PLXNA1: variants seen among roughly 807,000 people sequenced by gnomAD.
The protein encoded by PLXNA1 is plexin-A1.
A neutral mutation model predicts 191.7 loss-of-function variants in PLXNA1; 77 were observed. The ratio of observed to expected loss-of-function variants is 0.40; its 90% CI spans 0.33 to 0.49. PLXNA1 has a LOEUF of 0.49. Ranked by LOEUF, PLXNA1 falls within the 20% of genes least tolerant of loss-of-function variation. The pLI, the probability that PLXNA1 is intolerant of heterozygous loss-of-function variation, is 0.63. For missense variants in PLXNA1, 2,110 were observed against 2,660.2 expected (o/e 0.79, Z 4.55); for synonymous variants, 1,137 against 1,156.4 (o/e 0.98, Z 0.34).
At chr3:126,991,155 C>T (rs576221658) in intron 2 of PLXNA1, among the ~76,000 whole-genome samples, 20 of 152,368 alleles carry the variant, frequency 1.3e-4, no homozygotes, top group African/African-American at 4.6e-4. Flanking sequence ...TGCTCCGGAA[C>T]CTCAAGCTAT....
intron 3 of PLXNA1, among the ~76,000 whole-genome samples, chr3:126,992,875 C>G (rs1474549637): frequency 6.6e-6 from 1 of 152,200 alleles, no homozygotes; most frequent in Non-Finnish European, 1.5e-5. Flanking sequence ...AGCCTGCACT[C>G]CCTCTCCTCA....
chr3:127,003,823 G>A (rs2079052813), intron 4 of PLXNA1, among the ~76,000 whole-genome samples: 1 of 152,250 alleles, frequency 6.6e-6, no homozygotes, highest in Non-Finnish European at 1.5e-5. Context: ...GGTTTGGGGT[G>A]TGTACTGGGC....
chr3:127,003,604 G>C, intron 4 of PLXNA1, 134 bp downstream of exon 4: 1 of 1,049,862 alleles, frequency 9.5e-7, no homozygotes, highest in East Asian at 2.9e-5. Context: ...GTAGTTTCAA[G>C]CTGGTCTGTG....
intron 1 of PLXNA1, among the ~76,000 whole-genome samples, chr3:126,983,552 G>C (rs1306835703): frequency 6.8e-6 from 1 of 146,656 alleles, no homozygotes; most frequent in Non-Finnish European, 1.5e-5. Context: ...GACGCGGAGA[G>C]ACCGCACCCC....
Position 127,014,565 on chromosome 3 carries a change from C to CTGGGCG in PLXNA1, c.2695_2700dup (p.Gly899_Val900dup). On this transcript the variant is annotated inframe_insertion, in exon 13 of 32. Transcript: ENST00000393409. The stretch of plus-strand genomic sequence containing the variant: ...GGGCCTGCGATTCGAAGACGTGCGT[C>CTGGGCG]TGGGCGTGCGCGTGGGCAAGGTGCT... 1.2e-6 allele frequency: 2 copies of CTGGGCG among 1,612,804 alleles called. No individual in the cohort carries two copies. Among genetic ancestry groups the CTGGGCG allele is most frequent in the South Asian group, 1.1e-5 (1 of 91,086 alleles).
At chr3:126,988,010 G>C (rs2078968192) in intron 1 of PLXNA1, among the ~76,000 whole-genome samples, 1 of 152,168 alleles carries the variant, frequency 6.6e-6, no homozygotes, top group African/African-American at 2.4e-5. Flanking sequence ...GTGGAGGTGG[G>C]AGTGAGCACT....
intron 23 of PLXNA1, among the ~76,000 whole-genome samples, chr3:127,026,155 G>A (rs1045776324): frequency 1.3e-5 from 2 of 152,178 alleles, no homozygotes; most frequent in African/African-American, 2.4e-5. Context: ...TTGAGGCTGC[G>A]ACAAGAAAAG....
chr3:127,024,991 A>T (rs750474856), intron 23 of PLXNA1, among the ~76,000 whole-genome samples: 1 of 152,152 alleles, frequency 6.6e-6, no homozygotes, highest in Non-Finnish European at 1.5e-5. Context: ...CGCTGCTCCC[A>T]CACATGCACA....
In PLXNA1 at chr3:127,016,509, A is replaced by G. The variant is rs1219655138; in HGVS notation, c.3015-8A>G. 1.1e-5 allele frequency: 17 copies of G among 1,613,084 alleles called. No homozygotes were observed. Among genetic ancestry groups the G allele is most frequent in the Non-Finnish European group, 1.4e-5 (17 of 1,179,786 alleles). On this transcript the variant is annotated splice_region_variant and splice_polypyrimidine_tract_variant and intron_variant, in intron 15 of 31. Coordinates refer to ENST00000393409, the MANE Select transcript of PLXNA1 (RefSeq NM_032242.4). The stretch of plus-strand genomic sequence containing the variant: ...GTGCTCCTCACTGTCCCACTCGGGC[A>G]CCTCCAGGAGGAACTCCCGTGAGAT...
Position 126,991,548 on chromosome 3 carries a change from A to G in PLXNA1, c.1359A>G (p.Arg453=). ...GCACTGTGGTATTCGCCGGCACGCG[A>G]AGTGGCCGCATCCGCAAGGTCAGGC... ...RGRTVVFAGT[R]SGRIRKILVD... Residue 453 remains arginine (R), a synonymous_variant, in exon 3 of 32, where the codon CGA becomes CGG. Coordinates refer to ENST00000393409, the MANE Select transcript of PLXNA1 (RefSeq NM_032242.4). 1.3e-6 allele frequency: 2 copies of G among 1,584,166 alleles called. No homozygotes were observed. The highest frequency in any genetic ancestry group is 1.1e-5 in the South Asian group (1 of 87,984).
rs527914477 is a variant in PLXNA1 at position 126,984,411 on chromosome 3, T to G, written c.-74+1124T>G. On this transcript the variant is annotated intron_variant, in intron 1 of 31. Coordinates refer to ENST00000393409, the MANE Select transcript of PLXNA1 (RefSeq NM_032242.4). ...CACACGTAGCCGGTTTGGGGGTCGG[T>G]GCAGGGATGGGGCGCAGTTTCTGCT... 3.3e-5 allele frequency among the ~76,000 whole-genome samples: 5 copies of G among 152,314 alleles called. No homozygotes were observed. In the East Asian group the frequency reaches 7.7e-4, roughly 24 times the overall value.
intron 3 of PLXNA1, among the ~76,000 whole-genome samples, chr3:126,993,909 C>A (rs530845052): frequency 9.8e-5 from 15 of 152,360 alleles, no homozygotes; most frequent in African/African-American, 2.9e-4. Context: ...GGTTTTTGAA[C>A]CTCAACGTCA....
intron 1 of PLXNA1, among the ~76,000 whole-genome samples, chr3:126,983,842 G>T (rs1299699698): frequency 1.3e-5 from 2 of 152,132 alleles, no homozygotes; most frequent in Non-Finnish European, 2.9e-5. Context: ...AGGGCCGCGG[G>T]GGCCGGAGGA....
Position 127,036,561 on chromosome 3 carries a change from C to T in PLXNA1, c.*2544C>T, listed in dbSNP as rs2079244528. On this transcript the variant is annotated 3_prime_UTR_variant, in exon 32 of 32. Coordinates refer to ENST00000393409, the MANE Select transcript of PLXNA1 (RefSeq NM_032242.4). ...AGTCTCCGAGCTACTCCGTACCTCC[C>T]TCTGCCAGGTCGTGGAGTTAGGCCC... 1 of 152,526 alleles carries T rather than the reference C, an allele frequency of 6.6e-6. No individual in the cohort carries two copies. Among genetic ancestry groups the T allele is most frequent in the African/African-American group, 2.4e-5 (1 of 41,452 alleles). 9.4% of individuals were successfully genotyped at this position (152,526 alleles called of 1,614,324 possible).
chr3:127,027,845 C>T, intron 23 of PLXNA1, 95 bp from the exon 24 acceptor site: 2 of 1,540,498 alleles, frequency 1.3e-6, no homozygotes, highest in Non-Finnish European at 1.8e-6. Context: ...TTTCTCCTTG[C>T]CAGGAACACC....
chr3:127,004,624 C>T lies in PLXNA1; in HGVS notation c.1532C>T (p.Pro511Leu). The T allele has an allele frequency of 1.9e-6, 3 of 1,574,546 alleles. No individual in the cohort carries two copies. The highest frequency in any genetic ancestry group is 2.6e-6 in the Non-Finnish European group (3 of 1,159,992). The change falls in exon 5 of 32, where the codon CCT becomes CTT. Residue 511 changes from proline (P) to leucine (L), a missense_variant. This residue lies in a region of PLXNA1 where 903 missense variants were observed against 1,015.7 expected (regional missense o/e 0.89). Transcript: ENST00000393409. ...AMTEKQVTRV[P>L]VESCVQYTSC... Reference sequence around the variant, plus strand: ...CCCCCACACCAGGTGACGCGGGTGCCTGTGGAGAGCTGTGTGCAGTACACG... The same window carrying T: ...CCCCCACACCAGGTGACGCGGGTGCTTGTGGAGAGCTGTGTGCAGTACACG...
rs776621069 is a variant in PLXNA1, at chr3:127,030,426, G to A, written c.5231+14G>A. On this transcript the variant is annotated intron_variant, in intron 29 of 31. Coordinates refer to ENST00000393409, the MANE Select transcript of PLXNA1 (RefSeq NM_032242.4). ...GAAGAGCAACTGGTAATGCAGGGCA[G>A]GGGGAGGAGGGGCATCCCCCAGGGC... 1.2e-5 allele frequency: 20 copies of A among 1,612,788 alleles called. No individual in the cohort carries two copies. The South Asian group carries it at 1.6e-4, about 13-fold the overall frequency.
At chr3:126,995,618 T>C (rs2079011508) in intron 3 of PLXNA1, among the ~76,000 whole-genome samples, 1 of 152,286 alleles carries the variant, frequency 6.6e-6, no homozygotes. Flanking sequence ...CACCCGGTTT[T>C]TCAAGATTCT....
chr3:126,992,913 C>T (rs2078998436), intron 3 of PLXNA1, among the ~76,000 whole-genome samples: 1 of 152,162 alleles, frequency 6.6e-6, no homozygotes, highest in Non-Finnish European at 1.5e-5. Context: ...GGCTCTCGAG[C>T]GCATGGGGTG....
Sources: gnomAD v4.1 joint callset for allele counts (sites outside exome capture counted in the v4.1 genomes callset) on GRCh38, gnomAD v4.1.1 for gene constraint, gnomAD v4.1.1 regional missense constraint, MANE v1.5 for transcripts, NCBI Gene and HGNC (gene_info 2026-07-23, HGNC 2026-07-21) for gene names.